Variants in SIK3 observed in about 807,000 individuals in gnomAD.
SIK3 encodes the protein SIK family kinase 3.
A neutral mutation model predicts 144.2 loss-of-function variants in SIK3; 28 were observed. That is an observed-to-expected ratio of 0.19 (90% CI 0.14 to 0.27). The LOEUF is 0.27. Among genes scored for constraint, SIK3 ranks in the 10% least tolerant of loss-of-function variants. The pLI, the probability that SIK3 is intolerant of heterozygous loss-of-function variation, is 1.00. For missense variants in SIK3, 1,319 were observed against 1,776.0 expected, an observed-to-expected ratio of 0.74 and a Z score of 4.62; for synonymous variants, 686 against 676.3, an observed-to-expected ratio of 1.01 and a Z score of -0.22.
chr11:116,997,860 C>A (rs1373788021), intron 1 of SIK3, among the ~76,000 whole-genome samples: 1 of 152,072 alleles, frequency 6.6e-6, no homozygotes, highest in Non-Finnish European at 1.5e-5. Flanking sequence ...ATGTTAATTC[C>A]ATTTTATTTT....
intron 1 of SIK3, among the ~76,000 whole-genome samples, chr11:116,992,325 C>CAA (rs201423295): frequency 7.6e-6 from 1 of 131,658 alleles, no homozygotes; most frequent in Non-Finnish European, 1.6e-5. Flanking sequence ...ACCCCCCCCC[C>CAA]CAAAAAAAAA....
chr11:117,071,830 T>C (rs1954294903), intron 1 of SIK3, among the ~76,000 whole-genome samples: 1 of 149,792 alleles, frequency 6.7e-6, no homozygotes, highest in African/African-American at 2.5e-5. Flanking sequence ...TCTCCCTATG[T>C]TGACCAGGCT....
chr11:116,917,941 C>T (rs1470711531), intron 4 of SIK3, among the ~76,000 whole-genome samples: 1 of 151,990 alleles, frequency 6.6e-6, no homozygotes, highest in Non-Finnish European at 1.5e-5. Flanking sequence ...TGAGATTTTT[C>T]AAAGCTGTCA....
At chr11:116,927,018 C>CAA (rs1173220177) in intron 4 of SIK3, among the ~76,000 whole-genome samples, 6 of 113,768 alleles carry the variant, frequency 5.3e-5, no homozygotes, top group Non-Finnish European at 9.2e-5. Flanking sequence ...GACTCAGTCT[C>CAA]GAAAAAAAAA....
chr11:116,922,390 C>G (rs939433360), intron 4 of SIK3, among the ~76,000 whole-genome samples: 5 of 152,070 alleles, frequency 3.3e-5, no homozygotes, highest in Non-Finnish European at 5.9e-5. Context: ...ACTTGGGAGG[C>G]TGAGGCAGGA....
rs967351826 is a variant in SIK3, at chr11:116,942,889, T to C, written c.454+11155A>G. Among the ~76,000 whole-genome samples, 4 of 152,218 alleles carry C rather than the reference T, an allele frequency of 2.6e-5. No individual in the cohort carries two copies. In the South Asian group the frequency reaches 8.3e-4, roughly 32 times the overall value. ...CAACAGAAGTAGCTCAGTGGTAAGG[T>C]CCCACTTGAATTTTAAAAGAATCCT... On this transcript the variant is annotated intron_variant, in intron 3 of 24. Transcript: ENST00000445177.
intron 1 of SIK3, among the ~76,000 whole-genome samples, chr11:117,018,743 C>T (rs1464075101): frequency 2.7e-5 from 4 of 148,228 alleles, no homozygotes; most frequent in African/African-American, 7.4e-5. Context: ...GAAACAGTTT[C>T]ACTCCGTCAC....
intron 1 of SIK3, among the ~76,000 whole-genome samples, chr11:117,000,083 T>G (rs986935332): frequency 1.3e-5 from 2 of 152,238 alleles, no homozygotes; most frequent in Admixed American, 1.3e-4. Context: ...ATATGTATAT[T>G]AGATAGTTAT....
intron 6 of SIK3, among the ~76,000 whole-genome samples, chr11:116,880,241 T>A (rs1278007952): frequency 1.3e-5 from 2 of 152,094 alleles, no homozygotes; most frequent in African/African-American, 4.8e-5. Context: ...TTTCAGGATC[T>A]TGAAACCTCT....
At position 117,033,654 on chromosome 11, in the gene SIK3, A is replaced by G. The variant is rs1390297841; in HGVS notation, c.273+64489T>C. Among the ~76,000 whole-genome samples, 4 of 149,518 alleles carry G rather than the reference A, an allele frequency of 2.7e-5. 1 individual carries two copies. The highest frequency in any genetic ancestry group is 5.9e-5 in the Non-Finnish European group (4 of 67,650). ...AAGCCAGGAGGCGGAGCTTGCAGTG[A>G]GCAGAGATTGCGCCACTGCACTCCA... On this transcript the variant is annotated intron_variant, in intron 1 of 24. Transcript: ENST00000445177.
rs1256520466 is a variant in SIK3, at chr11:116,849,416, A to C, written c.3656-133T>G. On this transcript the variant is annotated intron_variant, in intron 21 of 24. Transcript: ENST00000445177. This position sits in a 1 kb window ranked among gnomAD's most constrained non-coding sequence, Gnocchi z 4.2. Reference sequence around the variant, plus strand: ...TCATGTACACCAACCGCTGATCCTCAGCCGGCGTCATGGCTTAGAGGAGCC... The same window carrying C: ...TCATGTACACCAACCGCTGATCCTCCGCCGGCGTCATGGCTTAGAGGAGCC... The C allele has an allele frequency of 5.4e-6, 6 of 1,104,768 alleles. No homozygotes were observed. The Admixed American group carries it at 6.6e-5, about 12-fold the overall frequency. The allele number at this position is 1,104,768 out of a possible 1,614,324, so 68.4% of individuals were successfully genotyped here.
At chr11:117,035,247 G>A (rs1178271672) in intron 1 of SIK3, among the ~76,000 whole-genome samples, 1 of 152,078 alleles carries the variant, frequency 6.6e-6, no homozygotes, top group Admixed American at 6.5e-5. Context: ...GTGAATAAAA[G>A]GCAGAGATAG....
intron 6 of SIK3, 83 bp from the exon 7 acceptor site, chr11:116,877,125 G>T: frequency 2.6e-6 from 3 of 1,172,552 alleles, no homozygotes; most frequent in South Asian, 1.2e-5. Flanking sequence ...AAAGCCAGCA[G>T]GGAGGCTATC....
chr11:116,978,694 G>A (rs1801773141), intron 1 of SIK3, among the ~76,000 whole-genome samples: 1 of 152,048 alleles, frequency 6.6e-6, no homozygotes, highest in Admixed American at 6.5e-5. Context: ...TTGTTGTAGG[G>A]AAAGGGTCTT....
At chr11:117,095,336 C>T (rs367624839) in intron 1 of SIK3, among the ~76,000 whole-genome samples, 2 of 152,016 alleles carry the variant, frequency 1.3e-5, no homozygotes, top group South Asian at 4.1e-4. Flanking sequence ...ATAAGAAAAC[C>T]CAGACCATTT....
chr11:117,019,794 T>C lies in SIK3; in HGVS notation c.274-62730A>G, dbSNP rs371124496. 2.0e-4 allele frequency among the ~76,000 whole-genome samples: 30 copies of C among 152,148 alleles called. 3 individuals carry two copies. The highest frequency in any genetic ancestry group is 1.3e-3 in the Admixed American group (20 of 15,286). ...ACGCCCGGCTAATTTTTGTATTTTT[T>C]AGTACAGACGGGATTTCACCGTGAA... On this transcript the variant is annotated intron_variant, in intron 1 of 24. Coordinates refer to ENST00000445177, the MANE Select transcript of SIK3 (RefSeq NM_001366686.3).
At chr11:117,034,960 G>C (rs1404948169) in intron 1 of SIK3, among the ~76,000 whole-genome samples, 1 of 152,142 alleles carries the variant, frequency 6.6e-6, no homozygotes, top group Non-Finnish European at 1.5e-5. Flanking sequence ...GTAACATAAG[G>C]TTGTGATGTT....
At chr11:117,030,594 T>C (rs957767721) in intron 1 of SIK3, among the ~76,000 whole-genome samples, 1 of 152,180 alleles carries the variant, frequency 6.6e-6, no homozygotes, top group Non-Finnish European at 1.5e-5. Context: ...TATACAGTTA[T>C]TGAGATCACA....
At chr11:116,893,297 G>A (rs564561481) in intron 6 of SIK3, among the ~76,000 whole-genome samples, 2 of 152,222 alleles carry the variant, frequency 1.3e-5, no homozygotes, top group African/African-American at 4.8e-5. Flanking sequence ...GTCAGCAGGG[G>A]AGGGAGGCAG....
Sources: allele counts gnomAD v4.1 joint callset (sites outside exome capture counted in the v4.1 genomes callset), GRCh38; gene constraint gnomAD v4.1.1; non-coding constraint Gnocchi (gnomAD v3.1); transcripts MANE v1.5; gene names NCBI Gene and HGNC (gene_info 2026-07-23, HGNC 2026-07-21).